Variants in NOTCH2NLB observed in about 807,000 individuals in gnomAD.
NOTCH2NLB encodes the protein notch homolog 2 N-terminal-like protein B.
In NOTCH2NLB, 1 loss-of-function variant was observed where a neutral mutation model predicts 14.8. The ratio of observed to expected loss-of-function variants is 0.07; its 90% CI spans 0.02 to 0.32. The LOEUF (loss-of-function observed/expected upper bound fraction) is 0.32. Among genes scored for constraint, NOTCH2NLB ranks in the 10% least tolerant of loss-of-function variants. The pLI is 1.00. For synonymous variants in NOTCH2NLB, 6 were observed against 57.5 expected, an observed-to-expected ratio of 0.10 and a Z score of 4.05; for missense variants, 11 against 155.0, an observed-to-expected ratio of 0.07 and a Z score of 4.93.
chr1:148,636,942 A>G lies in NOTCH2NLB; in HGVS notation c.77+3074T>C, dbSNP rs1167394477. 1.6e-4 allele frequency among the ~76,000 whole-genome samples: 24 copies of G among 145,912 alleles called. 2 individuals carry two copies. In the South Asian group the frequency reaches 4.9e-3, roughly 30 times the overall value. ...CTCACCAAATTTTTTCTTTCTCTCAAGGAGTTTGTTTCCCTCAAAACAGGA... is the reference window on the plus strand; with the variant it reads ...CTCACCAAATTTTTTCTTTCTCTCAGGGAGTTTGTTTCCCTCAAAACAGGA... On this transcript the variant is annotated intron_variant, in intron 2 of 4. Coordinates refer to ENST00000593495, the Ensembl canonical transcript of NOTCH2NLB.
At chr1:148,625,384 AAAC>A (rs1318331735) in intron 2 of NOTCH2NLB, among the ~76,000 whole-genome samples, 2 of 96,496 alleles carry the variant, frequency 2.1e-5, no homozygotes, top group Non-Finnish European at 4.0e-5. Flanking sequence ...GCCATTCAAG[AAAC>A]AACAACAATA....
Position 148,622,371 on chromosome 1 carries a change from A to C in NOTCH2NLB, c.78-6421T>G, listed in dbSNP as rs1278754000. Among the ~76,000 whole-genome samples the C allele has an allele frequency of 3.4e-4, 35 of 102,214 alleles. 3 individuals are homozygous for C. The highest frequency in any genetic ancestry group is 2.7e-3 in the Admixed American group (30 of 11,048). 67.1% of individuals were successfully genotyped at this position (102,214 alleles called of 152,430 possible). ...GGCAACAGAGCGAGACTCCCTCTCA[A>C]AAAAAAAAAAAAAATTCACAGCTAG... On this transcript the variant is annotated intron_variant, in intron 2 of 4. Transcript: ENST00000593495.
intron 1 of NOTCH2NLB, among the ~76,000 whole-genome samples, chr1:148,670,297 AAAT>A (rs1481933905): frequency 1.5e-5 from 2 of 133,230 alleles, no homozygotes; most frequent in African/African-American, 5.2e-5. Flanking sequence ...ACCAGTAAGA[AAAT>A]AATTAAATGA....
chr1:148,634,232 T>C (rs1221305643), intron 2 of NOTCH2NLB, among the ~76,000 whole-genome samples: 2 of 146,430 alleles, frequency 1.4e-5, no homozygotes, highest in African/African-American at 5.0e-5. Context: ...TGCTATCATT[T>C]TCCAGAAAAA....
At chr1:148,623,008 A>AAAGCT in intron 2 of NOTCH2NLB, among the ~76,000 whole-genome samples, 1 of 111,472 alleles carries the variant, frequency 9.0e-6, no homozygotes, top group African/African-American at 3.6e-5. Context: ...GAAGGACACC[A>AAAGCT]AAGCTAACTG....
chr1:148,651,144 G>GAAAAAAAAAAAA (rs1159790526), intron 1 of NOTCH2NLB, among the ~76,000 whole-genome samples: 1 of 76,510 alleles, frequency 1.3e-5, no homozygotes. Flanking sequence ...CTCTGCCTGA[G>GAAAAAAAAAAAA]AAAAAAAAAA....
At chr1:148,693,099 C>T in the NOTCH2NLB span, among the ~76,000 whole-genome samples, 3 of 116,360 alleles carry the variant, frequency 2.6e-5, no homozygotes, top group African/African-American at 3.8e-5. Flanking sequence ...CCCCCCCCCC[C>T]CCACCATCCA....
At chr1:148,637,089 G>A (rs1461093693) in intron 2 of NOTCH2NLB, among the ~76,000 whole-genome samples, 1 of 120,758 alleles carries the variant, frequency 8.3e-6, no homozygotes, top group East Asian at 2.2e-4. Context: ...TTTTTTTGGA[G>A]ACACAGTCTC....
intron 1 of NOTCH2NLB, among the ~76,000 whole-genome samples, chr1:148,649,953 C>T (rs1182463984): frequency 1.4e-5 from 1 of 69,298 alleles, no homozygotes; most frequent in East Asian, 4.5e-4. Flanking sequence ...GCTTAAATTG[C>T]TCAGGACACT....
intron 2 of NOTCH2NLB, among the ~76,000 whole-genome samples, chr1:148,637,158 T>G (rs1664221571): frequency 7.0e-6 from 1 of 142,266 alleles, no homozygotes; most frequent in Non-Finnish European, 1.5e-5. Flanking sequence ...AAGCTCTGCC[T>G]CCTGGTTTCA....
chr1:148,681,316 G>GA (rs67841448), upstream of NOTCH2NLB, among the ~76,000 whole-genome samples: 6 of 15,990 alleles, frequency 3.8e-4, no homozygotes, highest in South Asian at 1.4e-3. Flanking sequence ...TAAAGAAACA[G>GA]AAAAAAAAAA....
chr1:148,658,550 CTTTTTT>C (rs1194273075), intron 1 of NOTCH2NLB, among the ~76,000 whole-genome samples: 7 of 38,576 alleles, frequency 1.8e-4, no homozygotes, highest in African/African-American at 6.9e-4. Context: ...CCCAATACCA[CTTTTTT>C]TTTTTTTTTT....
Position 148,654,645 on chromosome 1 carries a change from T to C in NOTCH2NLB, c.4-14556A>G, listed in dbSNP as rs1238719592. On this transcript the variant is annotated intron_variant, in intron 1 of 4. Transcript: ENST00000593495. ...CCATGTCCATACCACTAAAGAACTA[T>C]AGAAAATAATGACATATTAAAAAAG... Among the ~76,000 whole-genome samples the C allele has an allele frequency of 3.8e-5, 3 of 79,592 alleles. 1 individual carries two copies. Among genetic ancestry groups the C allele is most frequent in the African/African-American group, 1.2e-4 (3 of 24,764 alleles). The allele number at this position is 79,592 out of a possible 152,430, so 52.2% of individuals were successfully genotyped here. A position where few individuals can be genotyped will look rare whatever the true frequency, so the allele number is the denominator to read the frequency against.
the NOTCH2NLB span, among the ~76,000 whole-genome samples, chr1:148,693,125 T>C: frequency 8.0e-6 from 1 of 125,144 alleles, no homozygotes; most frequent in Admixed American, 8.7e-5. Flanking sequence ...CCTCTCTCTC[T>C]CTTCCTTAGT....
At chr1:148,610,373 G>GAAAGAAAGAAAGAAAGAGAA (rs1484773225) in intron 3 of NOTCH2NLB, among the ~76,000 whole-genome samples, 3 of 89,196 alleles carry the variant, frequency 3.4e-5, no homozygotes, top group African/African-American at 9.9e-5. Flanking sequence ...AAGAAAGAAA[G>GAAAGAAAGAAAGAAAGAGAA]AGAAAGAAAG....
At chr1:148,693,248 C>T in the NOTCH2NLB span, among the ~76,000 whole-genome samples, 21 of 152,376 alleles carry the variant, frequency 1.4e-4, no homozygotes, top group East Asian at 1.4e-3. Flanking sequence ...AAAGCTATGG[C>T]GTTAAGGAAG....
the NOTCH2NLB span, among the ~76,000 whole-genome samples, chr1:148,703,170 G>T: frequency 2.4e-5 from 1 of 41,600 alleles, no homozygotes; most frequent in East Asian, 1.7e-3. Context: ...GGCGCCTGTA[G>T]TCCCAGCTAC....
At chr1:148,649,571 C>T (rs1382352821) in intron 1 of NOTCH2NLB, among the ~76,000 whole-genome samples, 20 of 146,190 alleles carry the variant, frequency 1.4e-4, no homozygotes, top group South Asian at 4.4e-4. Flanking sequence ...AGTGCAGTGG[C>T]GCAATCTCAG....
chr1:148,648,204 GT>G (rs1340185606), intron 1 of NOTCH2NLB, among the ~76,000 whole-genome samples: 2 of 106,220 alleles, frequency 1.9e-5, no homozygotes, highest in Non-Finnish European at 3.9e-5. Flanking sequence ...ACACTGTGTA[GT>G]TTTTCCTTTT....
Sources: gnomAD v4.1 joint callset for allele counts (sites outside exome capture counted in the v4.1 genomes callset) on GRCh38, gnomAD v4.1.1 for gene constraint, MANE v1.5 for transcripts, NCBI Gene and HGNC (gene_info 2026-07-23, HGNC 2026-07-21) for gene names.